The following KIT variants were observed in gnomAD, a reference collection of about 807,000 sequenced individuals.
The protein encoded by KIT is KIT proto-oncogene, receptor tyrosine kinase, also known as mast/stem cell growth factor receptor Kit.
KIT carries 16 observed loss-of-function variants against 105.7 expected under a neutral mutation model. That is an observed-to-expected ratio of 0.15 (90% CI 0.10 to 0.23). The LOEUF (loss-of-function observed/expected upper bound fraction) is 0.23, where lower values mean the gene tolerates loss of function less well. KIT is among the 10% of genes least tolerant of loss of function. The pLI is 1.00. For synonymous variants in KIT, 438 were observed against 441.1 expected (o/e 0.99, Z 0.09); for missense variants, 858 against 1,213.8 (o/e 0.71, Z 4.36).
In KIT at chr4:54,738,511, G is replaced by A. The variant is rs761339150; in HGVS notation, c.2885G>A (p.Ser962Asn). Residue 962 changes from serine (S) to asparagine (N), a missense_variant, in exon 21 of 21, where the codon AGC becomes AAC. Physicochemically the swap from Ser to Asn is conservative, Grantham distance 46. Around this residue, in one of 7 missense-constraint regions of KIT, gnomAD observed 105 missense variants for 103.5 expected, o/e 1.01. Coordinates refer to ENST00000288135, the MANE Select transcript of KIT (RefSeq NM_000222.3). ...DHSVRINSVG[S>N]TASSSQPLLV... ...TCTGTGCGGATCAATTCTGTCGGCAGCACCGCTTCCTCCTCCCAGCCTCTG... is the reference window on the plus strand; with the variant it reads ...TCTGTGCGGATCAATTCTGTCGGCAACACCGCTTCCTCCTCCCAGCCTCTG... 2 of 1,614,094 alleles carry A rather than the reference G, an allele frequency of 1.2e-6. No homozygotes were observed. Among genetic ancestry groups the A allele is most frequent in the South Asian group, 2.2e-5 (2 of 91,082 alleles).
At chr4:54,729,303 C>T (rs2109785602) in intron 13 of KIT, 32 bp from the exon 14 acceptor site, 5 of 1,610,840 alleles carry the variant, frequency 3.1e-6, no homozygotes, top group Non-Finnish European at 4.2e-6. Flanking sequence ...TATATCTCAC[C>T]TTCTTTCTAA....
intron 14 of KIT, among the ~76,000 whole-genome samples, chr4:54,730,483 T>C (rs1052689329): frequency 3.3e-5 from 5 of 152,166 alleles, no homozygotes; most frequent in Admixed American, 2.0e-4. Flanking sequence ...TTATTTTTTT[T>C]TAATCCTATA....
intron 17 of KIT, among the ~76,000 whole-genome samples, chr4:54,733,993 G>A (rs1437102884): frequency 6.6e-6 from 1 of 152,072 alleles, no homozygotes. Flanking sequence ...ATAATGTAAT[G>A]TTTTCCCCCC....
Position 54,699,623 on chromosome 4 carries a change from A to G in KIT, c.620-7A>G, listed in dbSNP as rs878853768. ...TATTTGAGGGGCCACATTTCTTTTCATTCTAGCCTTCAAAGCTGTGCCTGT... is the reference window on the plus strand; with the variant it reads ...TATTTGAGGGGCCACATTTCTTTTCGTTCTAGCCTTCAAAGCTGTGCCTGT... On this transcript the variant is annotated splice_region_variant and splice_polypyrimidine_tract_variant and intron_variant, in intron 3 of 20. Transcript: ENST00000288135. The G allele has an allele frequency of 6.2e-7, 1 of 1,613,818 alleles. No homozygotes were observed. Among genetic ancestry groups the G allele is most frequent in the East Asian group, 2.2e-5 (1 of 44,880 alleles).
At chr4:54,700,552 G>A (rs899541962) in intron 4 of KIT, among the ~76,000 whole-genome samples, 5 of 152,076 alleles carry the variant, frequency 3.3e-5, no homozygotes, top group African/African-American at 1.2e-4. Flanking sequence ...CATTGACCAA[G>A]TTTTCAGTAA....
At chr4:54,720,516 A>G (rs1480868247) in intron 7 of KIT, among the ~76,000 whole-genome samples, 3 of 152,232 alleles carry the variant, frequency 2.0e-5, no homozygotes, top group African/African-American at 7.2e-5. Context: ...GAGCTGTTCC[A>G]ATTTTTTAAT....
At chr4:54,712,594 C>G (rs1186484126) in intron 7 of KIT, among the ~76,000 whole-genome samples, 2 of 152,160 alleles carry the variant, frequency 1.3e-5, no homozygotes, top group Non-Finnish European at 2.9e-5. Context: ...TGACTTTTCT[C>G]TGGTGGGGGC....
intron 1 of KIT, among the ~76,000 whole-genome samples, chr4:54,662,896 A>T (rs1206211037): frequency 6.6e-6 from 1 of 151,744 alleles, no homozygotes; most frequent in Non-Finnish European, 1.5e-5. Context: ...ATAAGCTTTA[A>T]TTTTTTTGGT....
intron 7 of KIT, among the ~76,000 whole-genome samples, chr4:54,721,573 G>T (rs1396076934): frequency 6.6e-6 from 1 of 152,304 alleles, no homozygotes; most frequent in Non-Finnish European, 1.5e-5. Context: ...TAGCCAAATG[G>T]CCTGCTCATC....
chr4:54,678,268 A>G (rs1718626463), intron 1 of KIT, among the ~76,000 whole-genome samples: 1 of 149,192 alleles, frequency 6.7e-6, no homozygotes, highest in African/African-American at 2.5e-5. Flanking sequence ...TCATAGCTTC[A>G]ATGCATTCCA....
chr4:54,699,499 G>A (rs1720309567), intron 3 of KIT, 131 bp from the exon 4 acceptor site: 5 of 1,004,624 alleles, frequency 5.0e-6, no homozygotes, highest in African/African-American at 1.6e-5. Flanking sequence ...GTACAGATAG[G>A]TTAGCACCAT....
At chr4:54,697,245 G>C (rs996518760) in intron 2 of KIT, among the ~76,000 whole-genome samples, 2 of 152,132 alleles carry the variant, frequency 1.3e-5, no homozygotes, top group Non-Finnish European at 2.9e-5. Flanking sequence ...TAGTAAGGTT[G>C]GGAGATGCAT....
At chr4:54,697,552 C>G (rs1403364767) in intron 2 of KIT, among the ~76,000 whole-genome samples, 1 of 152,206 alleles carries the variant, frequency 6.6e-6, no homozygotes, top group Non-Finnish European at 1.5e-5. Flanking sequence ...ATGGTGTTCA[C>G]TTTCACTCAC....
rs1060502564 is a variant in KIT at position 54,695,731 on chromosome 4, C to T, written c.287C>T (p.Thr96Met). ...GAAGCCACCAACACCGGCAAATACA[C>T]GTGCACCAACAAACACGGCTTAAGC... ...KAEATNTGKY[T>M]CTNKHGLSNS... Residue 96 changes from threonine to methionine, a missense_variant, in exon 2 of 21, where the codon ACG (threonine) becomes ATG (methionine). Transcript: ENST00000288135. 25 of 1,614,102 alleles carry T rather than the reference C, an allele frequency of 1.5e-5. No homozygotes were observed. The highest frequency in any genetic ancestry group is 2.0e-5 in the Non-Finnish European group (24 of 1,180,042).
intron 1 of KIT, among the ~76,000 whole-genome samples, chr4:54,684,609 A>G (rs1232198254): frequency 6.6e-6 from 1 of 151,522 alleles, no homozygotes; most frequent in Non-Finnish European, 1.5e-5. Flanking sequence ...TGTCCCCCAC[A>G]CTCACTGACT....
At chr4:54,701,043 A>G (rs1408175480) in intron 4 of KIT, among the ~76,000 whole-genome samples, 42 of 152,232 alleles carry the variant, frequency 2.8e-4, no homozygotes, top group Non-Finnish European at 2.1e-4. Context: ...CCGGGTGTGC[A>G]TTTGAGCCTC....
chr4:54,678,338 T>C (rs867016439), intron 1 of KIT, among the ~76,000 whole-genome samples: 1,213 of 96,266 alleles, frequency 0.013, 30 homozygotes, highest in African/African-American at 0.017. Context: ...CCTTCCTTCC[T>C]TCCTTCCTTC....
chr4:54,740,703 A>G lies in KIT; in HGVS notation c.*2146A>G, dbSNP rs1386772261. On this transcript the variant is annotated 3_prime_UTR_variant, in exon 21 of 21. Transcript: ENST00000288135. The stretch of plus-strand genomic sequence containing the variant: ...TCTGAAGAATTCTAATAAAATGTAC[A>G]TATATAAATCAAGTGGAGTCATTTG... 9 of 230,056 alleles carry G rather than the reference A, an allele frequency of 3.9e-5. No homozygotes were observed. In the East Asian group the frequency reaches 4.4e-4, roughly 11 times the overall value. The allele number at this position is 230,056 out of a possible 1,614,324, so 14.3% of individuals were successfully genotyped here.
In KIT at chr4:54,738,872, C is replaced by G; in HGVS notation, c.*315C>G. On this transcript the variant is annotated 3_prime_UTR_variant, in exon 21 of 21. Coordinates refer to ENST00000288135, the MANE Select transcript of KIT (RefSeq NM_000222.3). ...CTTTCCAAGGCTTCTCCAATTCTGC[C>G]CAAAAATATGGTTGATAGTTTACCT... The G allele has an allele frequency of 1.7e-6, 1 of 594,960 alleles. No individual in the cohort carries two copies. The allele number at this position is 594,960 out of a possible 1,614,324, so 36.9% of individuals were successfully genotyped here.
Sources: allele counts gnomAD v4.1 joint callset (sites outside exome capture counted in the v4.1 genomes callset), GRCh38; gene constraint gnomAD v4.1.1; regional missense constraint gnomAD v4.1.1; transcripts MANE v1.5; gene names NCBI Gene and HGNC (gene_info 2026-07-23, HGNC 2026-07-21).